The following TPD52L2 variants were observed in gnomAD, a reference collection of about 807,000 sequenced individuals.
TPD52L2 encodes the protein tumor protein D54.
Under a neutral mutation model 24.7 loss-of-function variants are expected in TPD52L2, and 19 were observed. The ratio of observed to expected loss-of-function variants is 0.77; its 90% CI spans 0.54 to 1.13. The LOEUF (loss-of-function observed/expected upper bound fraction) is 1.13, where lower values mean the gene tolerates loss of function less well. Ranked by LOEUF, TPD52L2 falls within the 50% of genes most tolerant of loss-of-function variation. The pLI is 0.00. For synonymous variants in TPD52L2, 104 were observed against 100.2 expected, an observed-to-expected ratio of 1.04 and a Z score of -0.23; for missense variants, 236 against 250.4, an observed-to-expected ratio of 0.94 and a Z score of 0.39.
At chr20:63,886,578 C>CT in intron 5 of TPD52L2, among the ~76,000 whole-genome samples, 1 of 151,244 alleles carries the variant, frequency 6.6e-6, no homozygotes, top group Non-Finnish European at 1.5e-5. Flanking sequence ...CTCGATCTCC[C>CT]GACCTCGTGA....
At chr20:63,882,661 G>T in intron 4 of TPD52L2, 58 bp from the exon 5 acceptor site, 1 of 1,384,166 alleles carries the variant, frequency 7.2e-7, no homozygotes, top group Non-Finnish European at 1.0e-6. Context: ...TTGTTTGCTT[G>T]GCTGTGGGTG....
intron 2 of TPD52L2, among the ~76,000 whole-genome samples, chr20:63,870,365 C>G (rs1347723143): frequency 1.3e-5 from 2 of 151,986 alleles, no homozygotes; most frequent in East Asian, 3.9e-4. Context: ...GGTTTCAGAT[C>G]CTGAGGACAT....
intron 5 of TPD52L2, among the ~76,000 whole-genome samples, chr20:63,883,170 C>T (rs570658674): frequency 1.3e-5 from 2 of 152,258 alleles, no homozygotes; most frequent in African/African-American, 4.8e-5. Context: ...CAGTGTGGGA[C>T]GGCAGTCCTC....
At chr20:63,868,679 C>T (rs912190093) in intron 1 of TPD52L2, among the ~76,000 whole-genome samples, 2 of 152,206 alleles carry the variant, frequency 1.3e-5, no homozygotes, top group African/African-American at 4.8e-5. Context: ...TATGGTGGCT[C>T]ACACCTGTAA....
At chr20:63,872,204 C>T (rs933114392) in intron 2 of TPD52L2, among the ~76,000 whole-genome samples, 1 of 152,102 alleles carries the variant, frequency 6.6e-6, no homozygotes, top group Non-Finnish European at 1.5e-5. Flanking sequence ...CTCAGGAACA[C>T]AAGTGTTTTC....
chr20:63,878,991 C>T (rs551383168), intron 4 of TPD52L2, among the ~76,000 whole-genome samples: 2 of 152,146 alleles, frequency 1.3e-5, no homozygotes, highest in Non-Finnish European at 2.9e-5. Context: ...GTGTGTTTGA[C>T]GCTCTCAGAA....
At chr20:63,874,556 T>C (rs2052595067) in intron 3 of TPD52L2, among the ~76,000 whole-genome samples, 1 of 151,998 alleles carries the variant, frequency 6.6e-6, no homozygotes, top group African/African-American at 2.4e-5. Context: ...TCACGTTTTA[T>C]AGAGACAGGG....
chr20:63,889,266 C>T (rs760855672), intron 6 of TPD52L2, 28 bp downstream of exon 6: 3 of 1,603,282 alleles, frequency 1.9e-6, no homozygotes, highest in Non-Finnish European at 2.6e-6. Flanking sequence ...GTTTGATGGT[C>T]TTGGCAAGGT....
intron 5 of TPD52L2, among the ~76,000 whole-genome samples, chr20:63,886,672 G>A (rs2053132283): frequency 6.8e-6 from 1 of 147,772 alleles, no homozygotes. Flanking sequence ...TTTTGTTGGA[G>A]TCTCGCTCTA....
chr20:63,874,226 TTTTGTGTGTG>T (rs1057299460), intron 3 of TPD52L2, among the ~76,000 whole-genome samples: 28 of 134,994 alleles, frequency 2.1e-4, no homozygotes, highest in African/African-American at 8.1e-4. Context: ...TGATTTTTTT[TTTTGTGTGTG>T]TGTGTGTGTG....
chr20:63,889,087 G>A (rs2053236485), intron 5 of TPD52L2, 103 bp from the exon 6 acceptor site: 20 of 954,122 alleles, frequency 2.1e-5, no homozygotes, highest in Middle Eastern at 3.0e-4. Flanking sequence ...GATGTTGTTA[G>A]GGACCCTTTG....
At chr20:63,887,883 A>C (rs1394165262) in intron 5 of TPD52L2, 5 of 531,810 alleles carry the variant, frequency 9.4e-6, no homozygotes, top group Admixed American at 3.4e-5. Context: ...GGCTGCCTGC[A>C]GTGGGTGGGG....
intron 5 of TPD52L2, among the ~76,000 whole-genome samples, chr20:63,884,568 G>A (rs750468214): frequency 2.0e-5 from 3 of 152,232 alleles, no homozygotes; most frequent in African/African-American, 4.8e-5. Flanking sequence ...TTCTCTGGAA[G>A]CACAGGGACA....
chr20:63,871,770 G>A (rs1320678160), intron 2 of TPD52L2, among the ~76,000 whole-genome samples: 1 of 151,152 alleles, frequency 6.6e-6, no homozygotes, highest in African/African-American at 2.4e-5. Context: ...AGTACCTGGG[G>A]TTACAGGTGC....
chr20:63,887,723 T>G, intron 5 of TPD52L2: 2 of 1,046,764 alleles, frequency 1.9e-6, no homozygotes, highest in Non-Finnish European at 2.9e-6. Flanking sequence ...AGGACTCCAT[T>G]CCCTTGGCAA....
chr20:63,865,848 G>C (rs1347361404), intron 1 of TPD52L2, among the ~76,000 whole-genome samples: 2 of 152,204 alleles, frequency 1.3e-5, no homozygotes, highest in Non-Finnish European at 2.9e-5. Context: ...TTCGCGTTCA[G>C]CAGAGCTCCC....
intron 1 of TPD52L2, 88 bp from the exon 2 acceptor site, chr20:63,869,208 C>T: frequency 2.0e-6 from 3 of 1,505,104 alleles, no homozygotes; most frequent in Non-Finnish European, 2.8e-6. Flanking sequence ...CCACTCCCAC[C>T]TGTGCTTTTG....
rs1285120114 is a variant in TPD52L2 at position 63,871,202 on chromosome 20, C to T, written c.165+1761C>T. ...GGATTACAGACGCCTGCCACCACAC[C>T]TGGCTAATTTTTGTATTTTTAGTAG... On this transcript the variant is annotated intron_variant, in intron 2 of 6. Transcript: ENST00000346249. 3.3e-5 allele frequency among the ~76,000 whole-genome samples: 5 copies of T among 151,490 alleles called. No homozygotes were observed. The East Asian group carries it at 9.7e-4, about 29-fold the overall frequency.
chr20:63,886,101 A>C, intron 5 of TPD52L2: 1 of 1,569,334 alleles, frequency 6.4e-7, no homozygotes, highest in South Asian at 1.1e-5. Flanking sequence ...GGCAGGGTGG[A>C]CTCCGGCAGG....
Sources: gnomAD v4.1 joint callset for allele counts (sites outside exome capture counted in the v4.1 genomes callset) on GRCh38, gnomAD v4.1.1 for gene constraint, MANE v1.5 for transcripts, NCBI Gene and HGNC (gene_info 2026-07-23, HGNC 2026-07-21) for gene names.